Variants in ACTN1 observed in about 807,000 individuals in gnomAD.
ACTN1 encodes alpha-actinin-1.
ACTN1 carries 30 observed loss-of-function variants against 119.6 expected under a neutral mutation model. The ratio of observed to expected loss-of-function variants is 0.25; its 90% CI spans 0.19 to 0.34. The LOEUF (loss-of-function observed/expected upper bound fraction) is 0.34. ACTN1 is among the 10% of genes least tolerant of loss of function. The pLI is 1.00. For missense variants in ACTN1, 764 were observed against 1,223.4 expected (o/e 0.62, Z 5.60); for synonymous variants, 429 against 472.6 (o/e 0.91, Z 1.20).
rs77149924 is a variant in ACTN1 at position 68,879,297 on chromosome 14, G to A, written c.2281-228C>T. 0.032 allele frequency among the ~76,000 whole-genome samples: 4,923 copies of A among 152,134 alleles called. 117 individuals are homozygous for A. Among genetic ancestry groups the A allele is most frequent in the South Asian group, 0.07 (339 of 4,828 alleles). On this transcript the variant is annotated intron_variant, in intron 18 of 21. Transcript: ENST00000394419. The surrounding 1 kb of genome is among the most constrained non-coding windows in gnomAD (Gnocchi z 4.9). ...CCCAGCACACGCAGCCCTGCTCCAG[G>A]GAGCAGGACCACAGTGGGGTGTGAT...
chr14:68,968,952 C>T (rs1375615229), intron 1 of ACTN1, among the ~76,000 whole-genome samples: 2 of 152,162 alleles, frequency 1.3e-5, no homozygotes, highest in African/African-American at 4.8e-5. Flanking sequence ...TGGGCCTATG[C>T]TGAGCTTGCT....
At chr14:68,949,598 T>C (rs1433885570) in intron 1 of ACTN1, among the ~76,000 whole-genome samples, 1 of 152,180 alleles carries the variant, frequency 6.6e-6, no homozygotes, top group Non-Finnish European at 1.5e-5. Context: ...AGTACTACTT[T>C]CTGAGCATAT....
At position 68,878,517 on chromosome 14, in the gene ACTN1, T is replaced by C. The variant is rs765635179; in HGVS notation, c.2368A>G (p.Thr790Ala). Residue 790 changes from threonine to alanine, a missense_variant, in exon 20 of 22, where the codon ACA becomes GCA. By Grantham distance (58) the Thr-to-Ala change is moderately conservative. Coordinates refer to ENST00000394419, the MANE Select transcript of ACTN1 (RefSeq NM_001130004.2). The surrounding 1 kb of genome is among the most constrained non-coding windows in gnomAD (Gnocchi z 4.4). ...YDIGNDPQKKTGMMDTDDFRA... is the reference protein window; with the variant it reads ...YDIGNDPQKKAGMMDTDDFRA... ...AAATCATCCGTGTCCATCATGCCTG[T>C]CTTCTTCTGTGGGGGGCAGTGGTAC... 2.5e-6 allele frequency: 4 copies of C among 1,605,344 alleles called. No homozygotes were observed. The highest frequency in any genetic ancestry group is 1.7e-5 in the Admixed American group (1 of 59,490).
At chr14:68,890,602 G>A (rs1414935974) in intron 10 of ACTN1, among the ~76,000 whole-genome samples, 6 of 152,276 alleles carry the variant, frequency 3.9e-5, no homozygotes, top group Middle Eastern at 3.4e-3. Context: ...CTGGTTTCCC[G>A]CAGGACTCTA....
At chr14:68,954,315 AATTTATTTATTT>A (rs377224619) in intron 1 of ACTN1, among the ~76,000 whole-genome samples, 5 of 151,722 alleles carry the variant, frequency 3.3e-5, no homozygotes, top group Non-Finnish European at 7.4e-5. Context: ...ACACACAGAG[AATTTATTTATTT>A]ATTTATTTAT....
intron 1 of ACTN1, chr14:68,936,702 G>T: frequency 1.6e-6 from 1 of 637,320 alleles, no homozygotes; most frequent in Non-Finnish European, 3.0e-6. Flanking sequence ...GAAGCCGGAG[G>T]AAAGGGGCTT....
intron 1 of ACTN1, among the ~76,000 whole-genome samples, chr14:68,947,926 G>A (rs565344839): frequency 6.6e-6 from 1 of 152,212 alleles, no homozygotes; most frequent in African/African-American, 2.4e-5. Context: ...CTGGAATGAA[G>A]CCCAAGGCAC....
intron 13 of ACTN1, 128 bp downstream of exon 13, chr14:68,884,647 G>T: frequency 1.2e-6 from 1 of 812,876 alleles, no homozygotes; most frequent in Non-Finnish European, 2.0e-6. Flanking sequence ...CCACATTTAG[G>T]CCAGGGTTGG....
At chr14:68,970,200 C>T (rs72733553) in intron 1 of ACTN1, among the ~76,000 whole-genome samples, 4 of 151,762 alleles carry the variant, frequency 2.6e-5, no homozygotes, top group African/African-American at 7.3e-5. Flanking sequence ...TTCCCCCAGC[C>T]GACTGCTCTT....
At chr14:68,937,917 C>A (rs559230217) in intron 1 of ACTN1, among the ~76,000 whole-genome samples, 4 of 152,346 alleles carry the variant, frequency 2.6e-5, no homozygotes, top group East Asian at 1.9e-4. Flanking sequence ...AGCGTTGAGT[C>A]CTCTGCAGCA....
chr14:68,924,870 G>A (rs965349317), intron 2 of ACTN1, among the ~76,000 whole-genome samples: 1 of 152,226 alleles, frequency 6.6e-6, no homozygotes, highest in Non-Finnish European at 1.5e-5. Context: ...AGGTTTGCTA[G>A]GGCAGGAGTG....
chr14:68,930,434 T>C (rs1193667440), intron 1 of ACTN1, among the ~76,000 whole-genome samples: 2 of 152,162 alleles, frequency 1.3e-5, no homozygotes, highest in Non-Finnish European at 2.9e-5. Context: ...ATAATCACAC[T>C]CTGCAAGGAG....
chr14:68,875,009 A>T lies in ACTN1; in HGVS notation c.2595T>A (p.Ile865=), dbSNP rs753785461. Residue 865 remains isoleucine (I), a synonymous_variant, in exon 22 of 22, where the codon ATT becomes ATA. Transcript: ENST00000394419. ...FKILAGDKNY[I]TMDELRRELP... is the part of the protein sequence containing the mutation. ...GCTCGCGGCGCAGCTCGTCCATGGT[A>T]ATGTAGTTCTGCGAGGAGAGAGTGG... 6.2e-7 allele frequency: 1 copy of T among 1,613,384 alleles called. No individual in the cohort carries two copies. Among genetic ancestry groups the T allele is most frequent in the Non-Finnish European group, 8.5e-7 (1 of 1,180,006 alleles).
rs59331712 is a variant in ACTN1 at position 68,906,505 on chromosome 14, T to C, written c.595-1769A>G. Among the ~76,000 whole-genome samples, 1,283 of 152,210 alleles carry C rather than the reference T, an allele frequency of 8.4e-3. 16 individuals carry two copies. The highest frequency in any genetic ancestry group is 0.029 in the African/African-American group (1,222 of 41,520). On this transcript the variant is annotated intron_variant, in intron 6 of 21. Transcript: ENST00000394419. Reference sequence around the variant, plus strand: ...AAGGTGGGGTCCCTCTGGGAAAGTCTCCAACAGCAGCCAGGAGGATGAACA... The same window carrying C: ...AAGGTGGGGTCCCTCTGGGAAAGTCCCCAACAGCAGCCAGGAGGATGAACA...
chr14:68,973,501 A>G (rs1395491912), intron 1 of ACTN1, among the ~76,000 whole-genome samples: 3 of 152,306 alleles, frequency 2.0e-5, no homozygotes, highest in Admixed American at 1.3e-4. Flanking sequence ...CATGATTTTA[A>G]GTTTCCTGAG....
At position 68,878,380 on chromosome 14, in the gene ACTN1, GCCA is replaced by G; in HGVS notation, c.2427+75_2427+77del. Reference sequence around the variant, plus strand: ...CCCCTAGCCTGAGGGCCTCCAGCCTGCCACTCCTGGGACTTGGCTGCTCCCGCC... The same window carrying G: ...CCCCTAGCCTGAGGGCCTCCAGCCTGCTCCTGGGACTTGGCTGCTCCCGCC... On this transcript the variant is annotated intron_variant, in intron 20 of 21. Coordinates refer to ENST00000394419, the MANE Select transcript of ACTN1 (RefSeq NM_001130004.2). The surrounding 1 kb of genome is among the most constrained non-coding windows in gnomAD (Gnocchi z 4.4). The G allele has an allele frequency of 6.7e-7, 1 of 1,500,246 alleles. No homozygotes were observed. The highest frequency in any genetic ancestry group is 8.9e-7 in the Non-Finnish European group (1 of 1,126,904). 92.9% of individuals were successfully genotyped at this position (1,500,246 alleles called of 1,614,324 possible). A position where few individuals can be genotyped will look rare whatever the true frequency, so the allele number is the denominator to read the frequency against.
At position 68,925,602 on chromosome 14, in the gene ACTN1, A is replaced by T. The variant is rs760632603; in HGVS notation, c.176T>A (p.Phe59Tyr). The T allele has an allele frequency of 6.2e-7, 1 of 1,613,568 alleles. No individual in the cohort carries two copies. The highest frequency in any genetic ancestry group is 1.1e-5 in the South Asian group (1 of 90,970). ...CAGCATGAGCTTCAGGCCATCCCGGAAGTCCTCTTCGATGTTCTCGATCTG... is the reference window on the plus strand; with the variant it reads ...CAGCATGAGCTTCAGGCCATCCCGGTAGTCCTCTTCGATGTTCTCGATCTG... ...GTQIENIEED[F>Y]RDGLKLMLLL... The change falls in exon 2 of 22, where the codon TTC (phenylalanine) becomes TAC (tyrosine). Residue 59 changes from phenylalanine (F) to tyrosine (Y), a missense_variant. Physicochemically the swap from Phe to Tyr is conservative, Grantham distance 22. Coordinates refer to ENST00000394419, the MANE Select transcript of ACTN1 (RefSeq NM_001130004.2). The surrounding 1 kb of genome is among the most constrained non-coding windows in gnomAD (Gnocchi z 4.3).
intron 8 of ACTN1, 85 bp from the exon 9 acceptor site, chr14:68,893,832 C>A: frequency 1.5e-6 from 2 of 1,306,656 alleles, no homozygotes; most frequent in Non-Finnish European, 1.1e-6. Flanking sequence ...AAAGCCCCTC[C>A]CATCCCTGCA....
chr14:68,884,032 T>A, intron 14 of ACTN1, 136 bp downstream of exon 14: 1 of 941,500 alleles, frequency 1.1e-6, no homozygotes, highest in Non-Finnish European at 1.5e-6. Flanking sequence ...TCAAAATAAG[T>A]CAAATGCAAA....
Sources: gnomAD v4.1 joint callset for allele counts (sites outside exome capture counted in the v4.1 genomes callset) on GRCh38, gnomAD v4.1.1 for gene constraint, Gnocchi (gnomAD v3.1) non-coding constraint, MANE v1.5 for transcripts, NCBI Gene and HGNC (gene_info 2026-07-23, HGNC 2026-07-21) for gene names.